The following HIGD1B variants were observed in gnomAD, a reference collection of about 807,000 sequenced individuals.
HIGD1B encodes HIG1 domain family member 1B.
HIGD1B carries 9 observed loss-of-function variants against 8.8 expected under a neutral mutation model. The ratio of observed to expected loss-of-function variants is 1.02; its 90% CI spans 0.62 to 1.78. The LOEUF (loss-of-function observed/expected upper bound fraction) is 1.78. HIGD1B is among the 40% of genes most tolerant of loss of function. HIGD1B has a pLI of 0.00. For synonymous variants in HIGD1B, 47 were observed against 38.8 expected (o/e 1.21, Z -0.78); for missense variants, 126 against 111.8 (o/e 1.13, Z -0.57).
upstream of HIGD1B, among the ~76,000 whole-genome samples, chr17:44,845,157 C>T (rs189443275): frequency 5.7e-3 from 855 of 151,266 alleles, 8 homozygotes; most frequent in African/African-American, 0.02. Flanking sequence ...ACTCGGGAGG[C>T]TGAAGCAGGA....
At chr17:44,849,157 T>A in intron 1 of HIGD1B, 97 bp from the exon 2 acceptor site, 3 of 1,393,290 alleles carry the variant, frequency 2.2e-6, no homozygotes, top group Non-Finnish European at 2.9e-6. Flanking sequence ...AAACCAGCTG[T>A]TTATCCAGAT....
upstream of HIGD1B, among the ~76,000 whole-genome samples, chr17:44,845,323 A>T (rs2050314145): frequency 6.6e-6 from 1 of 151,736 alleles, no homozygotes. Flanking sequence ...GATCACTGTC[A>T]TCCCTGCAAC....
chr17:44,849,554 G>A (rs1420541380), intron 2 of HIGD1B, among the ~76,000 whole-genome samples, 166 bp downstream of exon 2: 1 of 152,050 alleles, frequency 6.6e-6, no homozygotes, highest in Non-Finnish European at 1.5e-5. Context: ...GAGGTCTGGA[G>A]AGAGAGACCA....
At position 44,850,426 on chromosome 17, in the gene HIGD1B, T is replaced by A; in HGVS notation, c.*30T>A. ...CCTATAGGAGCCGGGGCTGTCCAAC[T>A]CCCCTAACTCAATCCCTGGTACATT... is the stretch of plus-strand genomic sequence containing the variant. On this transcript the variant is annotated 3_prime_UTR_variant, in exon 3 of 3. Transcript: ENST00000253410. 6.6e-7 allele frequency: 1 copy of A among 1,523,750 alleles called. No homozygotes were observed. Among genetic ancestry groups the A allele is most frequent in the Non-Finnish European group, 9.1e-7 (1 of 1,101,638 alleles). The allele number at this position is 1,523,750 out of a possible 1,614,324, so 94.4% of individuals were successfully genotyped here.
upstream of HIGD1B, among the ~76,000 whole-genome samples, chr17:44,845,467 CA>C (rs2050314947): frequency 6.6e-6 from 1 of 151,608 alleles, no homozygotes; most frequent in East Asian, 1.9e-4. Flanking sequence ...CTGTCTCTAC[CA>C]AAAATACAAA....
At chr17:44,845,033 G>A (rs1033494077), upstream of HIGD1B, among the ~76,000 whole-genome samples, 4 of 151,766 alleles carry the variant, frequency 2.6e-5, no homozygotes, top group African/African-American at 4.8e-5. Context: ...CGAGGTGGGC[G>A]GATCACCTGA....
upstream of HIGD1B, among the ~76,000 whole-genome samples, chr17:44,845,863 G>A (rs1388459091): frequency 2.6e-5 from 4 of 151,798 alleles, no homozygotes; most frequent in Non-Finnish European, 4.4e-5. Context: ...ACCTGGGAGC[G>A]GAGGTTACAG....
At chr17:44,849,186 G>A (rs2050377297) in intron 1 of HIGD1B, 68 bp from the exon 2 acceptor site, 2 of 1,574,256 alleles carry the variant, frequency 1.3e-6, no homozygotes, top group African/African-American at 1.4e-5. Context: ...TGCCTGGTAA[G>A]GTATCTCTCA....
intron 2 of HIGD1B, chr17:44,849,913 C>T (rs2050406929): frequency 5.1e-6 from 1 of 197,150 alleles, no homozygotes; most frequent in East Asian, 1.2e-4. Context: ...ACAGTTTGCC[C>T]TAGGGGTGAG....
At chr17:44,849,758 C>CAAA (rs61617877) in intron 2 of HIGD1B, among the ~76,000 whole-genome samples, 34 of 52,530 alleles carry the variant, frequency 6.5e-4, no homozygotes, top group African/African-American at 2.0e-3. Context: ...GACTCTGTCT[C>CAAA]AAAAAAAAAA....
At position 44,849,427 on chromosome 17, in the gene HIGD1B, C is replaced by T. The variant is rs370572140; in HGVS notation, c.235+39C>T. Reference sequence around the variant, plus strand: ...TGGGGTCGCAGAATGAGGGCAAAACCGATTATGCAGTTTGTAGGTCTTTAA... The same window carrying T: ...TGGGGTCGCAGAATGAGGGCAAAACTGATTATGCAGTTTGTAGGTCTTTAA... On this transcript the variant is annotated intron_variant, in intron 2 of 2. Transcript: ENST00000253410. 1.2e-5 allele frequency: 20 copies of T among 1,611,196 alleles called. No individual in the cohort carries two copies. In the African/African-American group the frequency reaches 2.3e-4, roughly 18 times the overall value.
Position 44,849,330 on chromosome 17 carries a change from A to C in HIGD1B, c.177A>C (p.Ile59=), listed in dbSNP as rs763544247. ...CTCGTGGTTCCACCAAGATGTCCAT[A>C]CACCTGATTCACACCCGAGTGGCAG... is the stretch of plus-strand genomic sequence containing the variant. ...LRSRGSTKMS[I]HLIHTRVAAQ... Residue 59 remains isoleucine, a synonymous_variant, in exon 2 of 3, where the codon ATA becomes ATC. Coordinates refer to ENST00000253410, the MANE Select transcript of HIGD1B (RefSeq NM_016438.4). 1.9e-6 allele frequency: 3 copies of C among 1,614,016 alleles called. No individual in the cohort carries two copies. The Admixed American group carries it at 5.0e-5, about 27-fold the overall frequency.
At chr17:44,849,529 A>C in intron 2 of HIGD1B, 141 bp downstream of exon 2, 3 of 916,060 alleles carry the variant, frequency 3.3e-6, no homozygotes, top group Non-Finnish European at 4.9e-6. Flanking sequence ...TGGGAGGCCA[A>C]GGCGGGCAGA....
upstream of HIGD1B, among the ~76,000 whole-genome samples, chr17:44,846,112 G>C (rs994730488): frequency 6.6e-6 from 1 of 150,938 alleles, no homozygotes; most frequent in Non-Finnish European, 1.5e-5. Flanking sequence ...CATCAAGCCT[G>C]TCTCTGATCC....
At position 44,849,280 on chromosome 17, in the gene HIGD1B, G is replaced by C; in HGVS notation, c.127G>C (p.Ala43Pro). The change falls in exon 2 of 3, where the codon GCA becomes CCA. Residue 43 changes from alanine (A) to proline (P), a missense_variant. Physicochemically the swap from Ala to Pro is conservative, Grantham distance 27. Transcript: ENST00000253410. ...IGLGGCLVVA[A>P]YRIYRLRSRG... Reference sequence around the variant, plus strand: ...CTTAGGAGGCTGCTTGGTGGTAGCAGCATACAGGATTTACCGGCTGAGGTC... The same window carrying C: ...CTTAGGAGGCTGCTTGGTGGTAGCACCATACAGGATTTACCGGCTGAGGTC... 2 of 1,614,112 alleles carry C rather than the reference G, an allele frequency of 1.2e-6. No homozygotes were observed. Among genetic ancestry groups the C allele is most frequent in the Non-Finnish European group, 8.5e-7 (1 of 1,180,006 alleles).
At chr17:44,846,804 A>G (rs200630656), upstream of HIGD1B, among the ~76,000 whole-genome samples, 1 of 151,392 alleles carries the variant, frequency 6.6e-6, no homozygotes, top group Non-Finnish European at 1.5e-5. Context: ...AAAAAGAAGA[A>G]AAAGAAAAGA....
At chr17:44,849,218 TGGCTGTGGCCCAGG>T in intron 1 of HIGD1B, 22 bp from the exon 2 acceptor site, 1 of 1,611,994 alleles carries the variant, frequency 6.2e-7, no homozygotes, top group Non-Finnish European at 8.5e-7. Context: ...CTGTGCATTG[TGGCTGTGGCCCAGG>T]GGCTGTGTTC....
In HIGD1B at chr17:44,848,104, C is replaced by A. The variant is rs538405094; in HGVS notation, c.-49C>A. The A allele has an allele frequency of 2.4e-6, 2 of 842,244 alleles. No homozygotes were observed. Among genetic ancestry groups the A allele is most frequent in the South Asian group, 1.4e-5 (1 of 73,974 alleles). 52.2% of individuals were successfully genotyped at this position (842,244 alleles called of 1,614,324 possible). On this transcript the variant is annotated 5_prime_UTR_variant, in exon 1 of 3. Coordinates refer to ENST00000253410, the MANE Select transcript of HIGD1B (RefSeq NM_016438.4). The stretch of plus-strand genomic sequence containing the variant: ...GATTGTGGAGTGCCTCTCTCTAGGA[C>A]GGGGCTGCAGCATAGGAGTCTCAGC...
At chr17:44,850,042 G>C in intron 2 of HIGD1B, 1 of 316,796 alleles carries the variant, frequency 3.2e-6, no homozygotes, top group Non-Finnish European at 6.0e-6. Context: ...TCAGTTTCCT[G>C]ATGTGTAACA....
Sources: gnomAD v4.1 joint callset for allele counts (sites outside exome capture counted in the v4.1 genomes callset) on GRCh38, gnomAD v4.1.1 for gene constraint, MANE v1.5 for transcripts, NCBI Gene and HGNC (gene_info 2026-07-23, HGNC 2026-07-21) for gene names.